Variants in PARD3B observed in about 807,000 individuals in gnomAD.
PARD3B encodes the protein par-3 family cell polarity regulator beta.
A neutral mutation model predicts 130.2 loss-of-function variants in PARD3B; 103 were observed. The observed-to-expected ratio is 0.79, with a 90% CI of 0.67 to 0.93. The LOEUF (loss-of-function observed/expected upper bound fraction) is 0.93, where lower values mean the gene tolerates loss of function less well. Among genes scored for constraint, PARD3B ranks in the 40% least tolerant of loss-of-function variants. The pLI, the probability that PARD3B is intolerant of heterozygous loss-of-function variation, is 0.00. For missense variants in PARD3B, 1,609 were observed against 1,499.2 expected, an observed-to-expected ratio of 1.07 and a Z score of -1.21; for synonymous variants, 583 against 553.2, an observed-to-expected ratio of 1.05 and a Z score of -0.76.
At chr2:205,514,649 A>T (rs1186741912) in intron 21 of PARD3B, among the ~76,000 whole-genome samples, 1 of 152,032 alleles carries the variant, frequency 6.6e-6, no homozygotes, top group Admixed American at 6.6e-5. Context: ...ATTTAAATGA[A>T]TTTTAGTTTA....
At chr2:204,973,139 C>T (rs1691850481) in intron 3 of PARD3B, among the ~76,000 whole-genome samples, 1 of 152,206 alleles carries the variant, frequency 6.6e-6, no homozygotes, top group African/African-American at 2.4e-5. Flanking sequence ...TCTTCTGTTT[C>T]AGGCACTCTG....
intron 1 of PARD3B, among the ~76,000 whole-genome samples, chr2:204,643,777 G>T (rs1464825900): frequency 6.6e-6 from 1 of 152,098 alleles, no homozygotes; most frequent in Non-Finnish European, 1.5e-5. Context: ...TATTTATTCA[G>T]ATTAAGAACT....
chr2:204,550,948 A>G (rs900789910), intron 1 of PARD3B, among the ~76,000 whole-genome samples: 1 of 152,244 alleles, frequency 6.6e-6, no homozygotes, highest in Non-Finnish European at 1.5e-5. Flanking sequence ...AGCTAGGCCC[A>G]GACTGGATTC....
At chr2:204,728,561 C>A (rs184240918) in intron 2 of PARD3B, among the ~76,000 whole-genome samples, 1 of 152,278 alleles carries the variant, frequency 6.6e-6, no homozygotes, top group East Asian at 1.9e-4. Context: ...GGATTCATTA[C>A]ATGATACCTA....
chr2:205,023,871 ATC>A lies in PARD3B; in HGVS notation c.395-23708_395-23707del, dbSNP rs542625054. Among the ~76,000 whole-genome samples, 260 of 152,222 alleles carry A rather than the reference ATC, an allele frequency of 1.7e-3. 1 individual carries two copies. Among genetic ancestry groups the A allele is most frequent in the African/African-American group, 6.0e-3 (248 of 41,536 alleles). ...AGCTCCAGATCTTGACTCTGGTAGC[ATC>A]TACTTGATTTGCTGTTTGGGGGATA... On this transcript the variant is annotated intron_variant, in intron 3 of 22. Transcript: ENST00000406610.
chr2:205,221,815 T>C (rs1405150599), intron 15 of PARD3B, among the ~76,000 whole-genome samples: 1 of 152,168 alleles, frequency 6.6e-6, no homozygotes, highest in Non-Finnish European at 1.5e-5. Flanking sequence ...TCCATGCCTG[T>C]CTTGGTAAAA....
intron 22 of PARD3B, among the ~76,000 whole-genome samples, chr2:205,557,218 G>A (rs1171706759): frequency 6.6e-6 from 1 of 152,178 alleles, no homozygotes; most frequent in African/African-American, 2.4e-5. Flanking sequence ...GCATTCATGG[G>A]TTCCACTACA....
chr2:205,520,700 A>G (rs1033685827), intron 21 of PARD3B, among the ~76,000 whole-genome samples: 3 of 152,160 alleles, frequency 2.0e-5, no homozygotes, highest in Non-Finnish European at 2.9e-5. Context: ...ACACACACAC[A>G]TATGCATAAC....
intron 21 of PARD3B, among the ~76,000 whole-genome samples, chr2:205,523,217 GTGTGTGTGTATATATATATA>G (rs1173999643): frequency 1.7e-5 from 1 of 58,542 alleles, no homozygotes; most frequent in Admixed American, 2.4e-4. Context: ...ATATGTGTGT[GTGTGTGTGTATATATATATA>G]TATATTTATA....
At chr2:204,750,501 G>A (rs1385788194) in intron 2 of PARD3B, among the ~76,000 whole-genome samples, 2 of 152,134 alleles carry the variant, frequency 1.3e-5, no homozygotes, top group South Asian at 2.1e-4. Flanking sequence ...CTGGAGAATC[G>A]TTTGAGCCCT....
chr2:204,671,818 T>G (rs1215711619), intron 1 of PARD3B, among the ~76,000 whole-genome samples: 2 of 152,198 alleles, frequency 1.3e-5, no homozygotes, highest in African/African-American at 2.4e-5. Context: ...CCAGCTAAAA[T>G]AAAGACCCAC....
At chr2:205,215,376 C>G (rs1232271190) in intron 15 of PARD3B, among the ~76,000 whole-genome samples, 2 of 151,462 alleles carry the variant, frequency 1.3e-5, no homozygotes, top group African/African-American at 4.9e-5. Flanking sequence ...TTAATAATCG[C>G]TCCCTATTAT....
rs2043507038 is a variant in PARD3B, at chr2:205,341,053, T to A, written c.2630+39352T>A. Among the ~76,000 whole-genome samples the A allele has an allele frequency of 6.6e-6, 1 of 152,130 alleles. No homozygotes were observed. The highest frequency in any genetic ancestry group is 2.1e-4 in the South Asian group (1 of 4,832). On this transcript the variant is annotated intron_variant, in intron 18 of 22. Coordinates refer to ENST00000406610, the MANE Select transcript of PARD3B (RefSeq NM_001302769.2). The surrounding 1 kb of genome is among the most constrained non-coding windows in gnomAD (Gnocchi z 4.3). ...ACCAAAACCACAGTGAGATTTCATC[T>A]TATCCGAGTTTGAATGGCTATGATC... is the stretch of plus-strand genomic sequence containing the variant.
At chr2:205,385,760 A>C (rs1002278975) in intron 18 of PARD3B, among the ~76,000 whole-genome samples, 1 of 152,120 alleles carries the variant, frequency 6.6e-6, no homozygotes, top group Non-Finnish European at 1.5e-5. Flanking sequence ...TGAAAAGCTC[A>C]ATGAGATATA....
chr2:205,330,983 C>G (rs1352536408), intron 18 of PARD3B, among the ~76,000 whole-genome samples: 4 of 152,132 alleles, frequency 2.6e-5, no homozygotes, highest in Non-Finnish European at 5.9e-5. Flanking sequence ...TTCTTTCTCT[C>G]TTCCTCGACG....
At chr2:205,594,909 T>C (rs930866828) in intron 22 of PARD3B, among the ~76,000 whole-genome samples, 6 of 152,254 alleles carry the variant, frequency 3.9e-5, no homozygotes, top group Admixed American at 2.0e-4. Flanking sequence ...ACAATCACCT[T>C]ATACTCCACA....
intron 3 of PARD3B, among the ~76,000 whole-genome samples, chr2:205,013,127 G>A (rs1338950532): frequency 6.6e-6 from 1 of 152,160 alleles, no homozygotes; most frequent in Non-Finnish European, 1.5e-5. Flanking sequence ...ATTTCAACAT[G>A]AGTTTAGAAC....
chr2:205,148,156 C>A (rs2033500479), intron 10 of PARD3B, among the ~76,000 whole-genome samples: 2 of 152,064 alleles, frequency 1.3e-5, no homozygotes, highest in African/African-American at 4.8e-5. Context: ...TATAGTCTAT[C>A]ATCTATATTG....
intron 15 of PARD3B, among the ~76,000 whole-genome samples, chr2:205,201,139 A>G (rs79679725): frequency 0.036 from 5,535 of 152,322 alleles, 133 homozygotes; most frequent in Middle Eastern, 0.14. Context: ...TTAGTAAAAA[A>G]CAGTTGAAAG....
Sources: allele counts gnomAD v4.1 joint callset (sites outside exome capture counted in the v4.1 genomes callset), GRCh38; gene constraint gnomAD v4.1.1; non-coding constraint Gnocchi (gnomAD v3.1); transcripts MANE v1.5; gene names NCBI Gene and HGNC (gene_info 2026-07-23, HGNC 2026-07-21).